CRISPLD2: variants seen among roughly 807,000 people sequenced by gnomAD.
CRISPLD2 encodes the protein cysteine-rich secretory protein LCCL domain-containing 2.
Under a neutral mutation model 71.1 loss-of-function variants are expected in CRISPLD2, and 47 were observed. The ratio of observed to expected loss-of-function variants is 0.66; its 90% CI spans 0.52 to 0.84. The LOEUF is 0.84. Among genes scored for constraint, CRISPLD2 ranks in the 40% least tolerant of loss-of-function variants. The pLI, the probability that CRISPLD2 is intolerant of heterozygous loss-of-function variation, is 0.00. For synonymous variants in CRISPLD2, 317 were observed against 250.1 expected (o/e 1.27, Z -2.52); for missense variants, 830 against 651.1 (o/e 1.27, Z -2.99).
chr16:84,835,608 G>T (rs981797556), intron 1 of CRISPLD2, among the ~76,000 whole-genome samples: 4 of 152,214 alleles, frequency 2.6e-5, no homozygotes, highest in Admixed American at 2.6e-4. Context: ...GGCTTTTGTG[G>T]TGCACATGAG....
intron 14 of CRISPLD2, among the ~76,000 whole-genome samples, chr16:84,902,194 T>C (rs1394125849): frequency 6.6e-6 from 1 of 152,162 alleles, no homozygotes; most frequent in Non-Finnish European, 1.5e-5. Flanking sequence ...CAAGATCTTA[T>C]CGGCTTTTAT....
At chr16:84,880,003 A>G (rs2071554391) in intron 12 of CRISPLD2, among the ~76,000 whole-genome samples, 2 of 152,170 alleles carry the variant, frequency 1.3e-5, no homozygotes, top group African/African-American at 4.8e-5. Flanking sequence ...GTGGTGACTG[A>G]CACACAGTGA....
intron 12 of CRISPLD2, 138 bp from the exon 13 acceptor site, chr16:84,880,371 T>C: frequency 1.6e-6 from 1 of 628,426 alleles, no homozygotes; most frequent in Non-Finnish European, 2.7e-6. Flanking sequence ...TATTGTTTTT[T>C]TTCTTAATGA....
rs1813049031 is a variant in CRISPLD2 at position 84,880,552 on chromosome 16, G to C, written c.1273G>C (p.Ala425Pro). The C allele has an allele frequency of 1.2e-6, 2 of 1,613,830 alleles. No individual in the cohort carries two copies. The highest frequency in any genetic ancestry group is 2.7e-5 in the African/African-American group (2 of 75,010). ...CTGCAAAGACGAACCTTCCTACTGG[G>C]CTCCGGTGTTTGGAACCAACATCTA... ...AHCKDEPSYW[A>P]PVFGTNIYAD... Residue 425 changes from alanine to proline, a missense_variant, in exon 13 of 15, where the codon GCT becomes CCT. Ala to Pro is a conservative substitution (Grantham distance 27, BLOSUM62 -1). Transcript: ENST00000262424.
At chr16:84,871,549 T>C (rs9939107) in intron 8 of CRISPLD2, among the ~76,000 whole-genome samples, 3,321 of 152,024 alleles carry the variant, frequency 0.022, 123 homozygotes, top group African/African-American at 0.077. Context: ...GGGGTTTTGT[T>C]TGTTTGTTTG....
intron 1 of CRISPLD2, among the ~76,000 whole-genome samples, chr16:84,833,483 C>T (rs185822465): frequency 3.3e-5 from 5 of 152,340 alleles, no homozygotes; most frequent in African/African-American, 1.2e-4. Flanking sequence ...GCAGGGGCAT[C>T]TCTCTAGGAG....
At chr16:84,866,137 A>G (rs1244922146) in intron 6 of CRISPLD2, among the ~76,000 whole-genome samples, 2 of 152,100 alleles carry the variant, frequency 1.3e-5, no homozygotes, top group African/African-American at 4.8e-5. Context: ...TGATGTGTGC[A>G]TGATGAGGAA....
intron 14 of CRISPLD2, among the ~76,000 whole-genome samples, chr16:84,895,798 T>A (rs1347381205): frequency 6.6e-6 from 1 of 152,182 alleles, no homozygotes; most frequent in Non-Finnish European, 1.5e-5. Context: ...ACTGAGCACC[T>A]GCTGGATGCT....
At position 84,907,497 on chromosome 16, in the gene CRISPLD2, C is replaced by T. The variant is rs2071814315; in HGVS notation, c.*855C>T. The T allele has an allele frequency of 6.6e-6, 1 of 152,252 alleles. No homozygotes were observed. The highest frequency in any genetic ancestry group is 2.1e-4 in the South Asian group (1 of 4,830). The allele number at this position is 152,252 out of a possible 1,614,324, so 9.4% of individuals were successfully genotyped here. ...CCTGCCTCGGACTGGTTTACGTGTC[C>T]TGGTTCACACCCAGGACTTTTCTTT... On this transcript the variant is annotated 3_prime_UTR_variant, in exon 15 of 15. Transcript: ENST00000262424.
chr16:84,847,611 A>G (rs1258922217), intron 3 of CRISPLD2, among the ~76,000 whole-genome samples: 1 of 151,674 alleles, frequency 6.6e-6, no homozygotes, highest in Non-Finnish European at 1.5e-5. Flanking sequence ...GGATTGCACC[A>G]TTGTACTCCA....
At chr16:84,871,867 T>G (rs2071472272) in intron 8 of CRISPLD2, among the ~76,000 whole-genome samples, 1 of 102,798 alleles carries the variant, frequency 9.7e-6, no homozygotes, top group African/African-American at 3.9e-5. Context: ...TTTTTTCAAA[T>G]GAGAAAAAAA....
chr16:84,855,978 A>C (rs1236926587), intron 6 of CRISPLD2, among the ~76,000 whole-genome samples: 1 of 152,246 alleles, frequency 6.6e-6, no homozygotes, highest in Non-Finnish European at 1.5e-5. Context: ...CAAGTTTTTA[A>C]CAAAAGAAGG....
intron 6 of CRISPLD2, among the ~76,000 whole-genome samples, chr16:84,857,300 C>T (rs915454388): frequency 2.6e-5 from 4 of 152,222 alleles, no homozygotes; most frequent in Admixed American, 6.5e-5. Flanking sequence ...CAGAATGAGT[C>T]GTCCTATGTA....
chr16:84,855,612 G>A (rs1009929250), intron 6 of CRISPLD2, among the ~76,000 whole-genome samples: 11 of 152,068 alleles, frequency 7.2e-5, no homozygotes, highest in African/African-American at 2.7e-4. Flanking sequence ...AATCTCCTTT[G>A]GCAACACCCT....
intron 1 of CRISPLD2, among the ~76,000 whole-genome samples, chr16:84,827,115 C>T (rs1489803323): frequency 1.3e-5 from 2 of 151,900 alleles, no homozygotes; most frequent in East Asian, 1.9e-4. Context: ...CAGAAGCCCC[C>T]CAGGCCCCTC....
At chr16:84,851,091 C>T (rs112712560) in intron 5 of CRISPLD2, among the ~76,000 whole-genome samples, 4 of 152,330 alleles carry the variant, frequency 2.6e-5, no homozygotes, top group Middle Eastern at 3.4e-3. Flanking sequence ...CCTCTGGGAC[C>T]AACTGAACAA....
At chr16:84,848,361 C>T (rs1916973794) in intron 3 of CRISPLD2, among the ~76,000 whole-genome samples, 1 of 152,176 alleles carries the variant, frequency 6.6e-6, no homozygotes. Context: ...GGTCATTTCC[C>T]CCGTGAGCAT....
At chr16:84,826,564 C>T (rs1260803013) in intron 1 of CRISPLD2, among the ~76,000 whole-genome samples, 2 of 152,258 alleles carry the variant, frequency 1.3e-5, no homozygotes, top group Non-Finnish European at 2.9e-5. Context: ...CTCCCTCCTG[C>T]CCCAGGCCTG....
intron 1 of CRISPLD2, 109 bp from the exon 2 acceptor site, chr16:84,838,313 G>A (rs1003020094): frequency 3.3e-5 from 23 of 699,328 alleles, no homozygotes; most frequent in Admixed American, 1.8e-4. Context: ...CTCAGTTTCC[G>A]CATCTGTAAA....
Sources: gnomAD v4.1 joint callset for allele counts (sites outside exome capture counted in the v4.1 genomes callset) on GRCh38, gnomAD v4.1.1 for gene constraint, MANE v1.5 for transcripts, NCBI Gene and HGNC (gene_info 2026-07-23, HGNC 2026-07-21) for gene names.